ENTREP2: variants seen among roughly 807,000 people sequenced by gnomAD.
ENTREP2 encodes endosomal transmembrane epsin interactor 2, also known as protein ENTREP2.
At chr15:29,568,904 A>G in the ENTREP2 span, among the ~76,000 whole-genome samples, 2 of 152,138 alleles carry the variant, frequency 1.3e-5, no homozygotes, top group Admixed American at 6.5e-5. Context: ...TAGGTTTATT[A>G]TTAAAAGGCA....
chr15:29,494,197 C>A, the ENTREP2 span, among the ~76,000 whole-genome samples: 2 of 125,096 alleles, frequency 1.6e-5, no homozygotes, highest in Admixed American at 7.6e-5. Context: ...TTTGGAAAGA[C>A]TATAGGAAAA....
chr15:29,534,515 T>C, the ENTREP2 span, among the ~76,000 whole-genome samples: 1 of 152,236 alleles, frequency 6.6e-6, no homozygotes, highest in South Asian at 2.1e-4. Context: ...CTTAAATGTC[T>C]ATAAATGACC....
the ENTREP2 span, among the ~76,000 whole-genome samples, chr15:29,588,531 AGG>A: frequency 1.4e-5 from 1 of 73,130 alleles, no homozygotes; most frequent in African/African-American, 6.3e-5. Context: ...GAAGGAAGGA[AGG>A]AAGAGAAAGA....
the ENTREP2 span, among the ~76,000 whole-genome samples, chr15:29,642,530 A>G: frequency 6.8e-6 from 1 of 148,018 alleles, no homozygotes; most frequent in Non-Finnish European, 1.5e-5. Context: ...ATATACACAT[A>G]TATATCATAT....
At chr15:29,256,864 C>T in the ENTREP2 span, among the ~76,000 whole-genome samples, 1 of 151,704 alleles carries the variant, frequency 6.6e-6, no homozygotes, top group Non-Finnish European at 1.5e-5. Flanking sequence ...ATATTTTATC[C>T]TCCCATCATT....
chr15:29,436,852 T>C, the ENTREP2 span, among the ~76,000 whole-genome samples: 41 of 152,346 alleles, frequency 2.7e-4, no homozygotes, highest in African/African-American at 9.1e-4. Context: ...CATTACGGAA[T>C]TTCCAACGAT....
At chr15:29,269,788 G>C in the ENTREP2 span, 4 of 1,274,562 alleles carry the variant, frequency 3.1e-6, no homozygotes, top group Non-Finnish European at 4.1e-6. Context: ...CGCTAACGCC[G>C]GTGCCTGGAG....
the ENTREP2 span, among the ~76,000 whole-genome samples, chr15:29,607,140 T>C: frequency 2.0e-5 from 3 of 152,198 alleles, 1 homozygote; most frequent in South Asian, 2.1e-4. Context: ...CATTTCAATA[T>C]ACATTATCAA....
chr15:29,643,700 G>T, the ENTREP2 span, among the ~76,000 whole-genome samples: 24 of 151,132 alleles, frequency 1.6e-4, no homozygotes, highest in East Asian at 4.7e-3. Flanking sequence ...AGAATGATGG[G>T]AACCTGGGAG....
At chr15:29,410,317 A>G in the ENTREP2 span, among the ~76,000 whole-genome samples, 10 of 152,092 alleles carry the variant, frequency 6.6e-5, no homozygotes, top group Non-Finnish European at 5.9e-5. Flanking sequence ...CATAGAAAAA[A>G]CATAGTATTT....
At chr15:29,580,088 C>T in the ENTREP2 span, among the ~76,000 whole-genome samples, 1 of 152,146 alleles carries the variant, frequency 6.6e-6, no homozygotes, top group Non-Finnish European at 1.5e-5. Flanking sequence ...CTCAGGCAGT[C>T]GGCCCATCTC....
At chr15:29,419,961 G>A in the ENTREP2 span, among the ~76,000 whole-genome samples, 1 of 152,158 alleles carries the variant, frequency 6.6e-6, no homozygotes, top group African/African-American at 2.4e-5. Context: ...ACGAAGAAAT[G>A]AAGATTGATG....
the ENTREP2 span, among the ~76,000 whole-genome samples, chr15:29,209,824 C>G: frequency 5.3e-5 from 8 of 152,280 alleles, no homozygotes; most frequent in East Asian, 1.6e-3. Flanking sequence ...TGCAGGGTCA[C>G]TCTACCCAGC....
At chr15:29,490,030 C>A in the ENTREP2 span, among the ~76,000 whole-genome samples, 1 of 152,170 alleles carries the variant, frequency 6.6e-6, no homozygotes, top group Non-Finnish European at 1.5e-5. Flanking sequence ...AGCAGTTTAA[C>A]AATGGAAAAT....
chr15:29,319,676 G>T, the ENTREP2 span, among the ~76,000 whole-genome samples: 9 of 152,220 alleles, frequency 5.9e-5, no homozygotes, highest in Admixed American at 5.9e-4. Context: ...AACCTTTCTT[G>T]GACCCCTCAG....
At chr15:29,568,515 T>C in the ENTREP2 span, among the ~76,000 whole-genome samples, 1 of 151,362 alleles carries the variant, frequency 6.6e-6, no homozygotes, top group Non-Finnish European at 1.5e-5. Flanking sequence ...CTGGGCAACA[T>C]AACGAGACCC....
chr15:29,254,811 C>G, the ENTREP2 span, among the ~76,000 whole-genome samples: 2,420 of 152,206 alleles, frequency 0.016, 82 homozygotes, highest in African/African-American at 0.055. Flanking sequence ...GAGCCGAGAT[C>G]TCCAGCCTGG....
the ENTREP2 span, among the ~76,000 whole-genome samples, chr15:29,138,581 A>ATGTGCATATGTTATG: frequency 4.0e-5 from 6 of 151,606 alleles, no homozygotes; most frequent in African/African-American, 1.5e-4. Context: ...GTGCATGTGC[A>ATGTGCATATGTTATG]TGTGTCTGTG....
At chr15:29,224,520 T>C in the ENTREP2 span, among the ~76,000 whole-genome samples, 1 of 152,112 alleles carries the variant, frequency 6.6e-6, no homozygotes, top group Non-Finnish European at 1.5e-5. Context: ...TTGGTCCGCT[T>C]TGACAGGATG....
Sources: gnomAD v4.1 joint callset for allele counts (sites outside exome capture counted in the v4.1 genomes callset) on GRCh38, gnomAD v4.1.1 for gene constraint, MANE v1.5 for transcripts, NCBI Gene and HGNC (gene_info 2026-07-23, HGNC 2026-07-21) for gene names.